Variants in TEX30 observed in about 807,000 individuals in gnomAD.
TEX30 encodes testis-expressed protein 30.
In TEX30, 14 loss-of-function variants were observed where a neutral mutation model predicts 23.8. The observed-to-expected ratio is 0.59, with a 90% CI of 0.39 to 0.92. The LOEUF is 0.92. TEX30 is among the 40% of genes least tolerant of loss of function. The pLI, the probability that TEX30 is intolerant of heterozygous loss-of-function variation, is 0.00. For synonymous variants in TEX30, 78 were observed against 90.2 expected (o/e 0.87, Z 0.76); for missense variants, 246 against 270.6 (o/e 0.91, Z 0.64).
intron 1 of TEX30, among the ~76,000 whole-genome samples, chr13:102,773,238 G>A (rs1010630713): frequency 5.3e-5 from 8 of 152,208 alleles, no homozygotes; most frequent in African/African-American, 9.6e-5. Context: ...AACAACCCCA[G>A]CAAACATGGA....
intron 3 of TEX30, among the ~76,000 whole-genome samples, chr13:102,768,950 T>G (rs1162109472): frequency 1.3e-5 from 2 of 152,244 alleles, no homozygotes; most frequent in Non-Finnish European, 2.9e-5. Flanking sequence ...TAAGCAAGGT[T>G]TCTAAATAAC....
At chr13:102,768,100 T>G (rs1466048988) in intron 4 of TEX30, among the ~76,000 whole-genome samples, 160 bp downstream of exon 4, 3 of 152,146 alleles carry the variant, frequency 2.0e-5, no homozygotes, top group African/African-American at 4.8e-5. Context: ...TCAAGTTTGC[T>G]CTAAGTATAT....
At chr13:102,771,673 G>A (rs915366311) in intron 1 of TEX30, among the ~76,000 whole-genome samples, 2 of 152,194 alleles carry the variant, frequency 1.3e-5, no homozygotes, top group Non-Finnish European at 2.9e-5. Context: ...CATACATGCA[G>A]CCCCACAATT....
chr13:102,770,988 G>A (rs1877277125), intron 1 of TEX30, among the ~76,000 whole-genome samples: 1 of 152,102 alleles, frequency 6.6e-6, no homozygotes, highest in Non-Finnish European at 1.5e-5. Context: ...TCATTCAATA[G>A]GTAACAATAA....
intron 1 of TEX30, among the ~76,000 whole-genome samples, chr13:102,773,132 T>C (rs2139057525): frequency 6.6e-6 from 1 of 152,352 alleles, no homozygotes; most frequent in Middle Eastern, 3.4e-3. Context: ...CAACTTTCAG[T>C]TACAAACGTT....
intron 1 of TEX30, among the ~76,000 whole-genome samples, chr13:102,771,465 C>G (rs1409084438): frequency 6.6e-6 from 1 of 152,162 alleles, no homozygotes; most frequent in Non-Finnish European, 1.5e-5. Flanking sequence ...ACACTCTTCC[C>G]CCAACCACCA....
intron 1 of TEX30, among the ~76,000 whole-genome samples, chr13:102,771,347 AAT>A (rs1388140549): frequency 1.3e-5 from 2 of 152,230 alleles, no homozygotes; most frequent in Non-Finnish European, 2.9e-5. Context: ...TAATTTACAG[AAT>A]ATGTTTTTCA....
intron 2 of TEX30, 32 bp downstream of exon 2, chr13:102,769,980 C>T (rs1027081276): frequency 7.0e-7 from 1 of 1,420,600 alleles, no homozygotes; most frequent in Non-Finnish European, 9.2e-7. Context: ...AAACCAGGAA[C>T]CCTGAAGATG....
chr13:102,773,166 T>C (rs761044927), intron 1 of TEX30, among the ~76,000 whole-genome samples: 1 of 152,218 alleles, frequency 6.6e-6, no homozygotes, highest in Non-Finnish European at 1.5e-5. Context: ...GTCCACAGCA[T>C]TAAGCTGGCT....
chr13:102,771,829 T>C (rs1877342923), intron 1 of TEX30, among the ~76,000 whole-genome samples: 1 of 152,206 alleles, frequency 6.6e-6, no homozygotes, highest in African/African-American at 2.4e-5. Context: ...TTCTCAGATT[T>C]CACCTAAATC....
rs200896097 is a variant in TEX30 at position 102,766,490 on chromosome 13, G to A, written c.595C>T (p.Arg199Trp). The change falls in exon 6 of 6, where the codon CGG becomes TGG. Residue 199 changes from arginine to tryptophan, a missense_variant. Coordinates refer to ENST00000376032, the MANE Select transcript of TEX30 (RefSeq NM_138779.5). Reference sequence around the variant, plus strand: ...TCTTTGAAAACATCATTTGTCGACCGTCCTTTCACTGCCATGGAATGATTT... The same window carrying A: ...TCTTTGAAAACATCATTTGTCGACCATCCTTTCACTGCCATGGAATGATTT... ...KANHSMAVKG[R>W]STNDVFKEIN... 26 of 1,613,784 alleles carry A rather than the reference G, an allele frequency of 1.6e-5. No homozygotes were observed. Among genetic ancestry groups the A allele is most frequent in the Admixed American group, 1.0e-4 (6 of 59,980 alleles).
chr13:102,769,158 C>A (rs1236056521), intron 3 of TEX30, among the ~76,000 whole-genome samples, 153 bp downstream of exon 3: 2 of 152,174 alleles, frequency 1.3e-5, no homozygotes, highest in African/African-American at 4.8e-5. Flanking sequence ...AATCTGACGA[C>A]TAAAAAGCTT....
chr13:102,770,938 A>G (rs924762140), intron 1 of TEX30: 2 of 152,216 alleles, frequency 1.3e-5, no homozygotes, highest in African/African-American at 2.4e-5. Flanking sequence ...CAGGATCTCC[A>G]TTACTCACCC....
Position 102,770,233 on chromosome 13 carries a change from G to A in TEX30, c.-60-147C>T, listed in dbSNP as rs79797515. On this transcript the variant is annotated intron_variant, in intron 1 of 5. Coordinates refer to ENST00000376032, the MANE Select transcript of TEX30 (RefSeq NM_138779.5). ...TCTTTACATGTACATTTTTCTACGG[G>A]CACTCAGAATTGGTTAGAGGGCCAG... The A allele has an allele frequency of 2.6e-3, 962 of 375,452 alleles. 15 individuals are homozygous for A. Among genetic ancestry groups the A allele is most frequent in the African/African-American group, 0.018 (886 of 48,170 alleles). The allele number at this position is 375,452 out of a possible 1,614,324, so 23.3% of individuals were successfully genotyped here. A position where few individuals can be genotyped will look rare whatever the true frequency, so the allele number is the denominator to read the frequency against.
At position 102,768,244 on chromosome 13, in the gene TEX30, C is replaced by G. The variant is rs563637700; in HGVS notation, c.298+16G>C. ...AAAACAGGTAATTAACAAGTATTCA[C>G]AAGTATTGCACTTACCTCCAAGAAA... On this transcript the variant is annotated intron_variant, in intron 4 of 5. Coordinates refer to ENST00000376032, the MANE Select transcript of TEX30 (RefSeq NM_138779.5). 2.6e-5 allele frequency: 41 copies of G among 1,584,442 alleles called. No homozygotes were observed. The highest frequency in any genetic ancestry group is 3.4e-5 in the Non-Finnish European group (39 of 1,162,960).
chr13:102,770,085 C>A lies in TEX30; in HGVS notation c.-59G>T, dbSNP rs1296955951. On this transcript the variant is annotated splice_region_variant and 5_prime_UTR_variant, in exon 2 of 6. Coordinates refer to ENST00000376032, the MANE Select transcript of TEX30 (RefSeq NM_138779.5). ...TACATCTGAGAAGCAAAGGACATCT[C>A]CCTGAAAAGAAGATTCTGTTGTGAA... 9 of 1,231,970 alleles carry A rather than the reference C, an allele frequency of 7.3e-6. No homozygotes were observed. In the South Asian group the frequency reaches 1.2e-4, roughly 16 times the overall value. 76.3% of individuals were successfully genotyped at this position (1,231,970 alleles called of 1,614,324 possible).
chr13:102,769,567 C>T, intron 2 of TEX30, 26 bp from the exon 3 acceptor site: 1 of 1,426,540 alleles, frequency 7.0e-7, no homozygotes, highest in South Asian at 1.3e-5. Flanking sequence ...ATAAAGGGAT[C>T]AAAAATTACT....
intron 3 of TEX30, 56 bp downstream of exon 3, chr13:102,769,255 T>A: frequency 8.2e-7 from 1 of 1,215,404 alleles, no homozygotes; most frequent in Non-Finnish European, 1.1e-6. Context: ...ATCTTACATT[T>A]ATTAAGGATT....
At chr13:102,771,402 G>C (rs1475032868) in intron 1 of TEX30, among the ~76,000 whole-genome samples, 2 of 152,120 alleles carry the variant, frequency 1.3e-5, no homozygotes, top group African/African-American at 4.8e-5. Context: ...TTTTGAATAG[G>C]TATCGTGTGT....
Sources: allele counts gnomAD v4.1 joint callset (sites outside exome capture counted in the v4.1 genomes callset), GRCh38; gene constraint gnomAD v4.1.1; transcripts MANE v1.5; gene names NCBI Gene and HGNC (gene_info 2026-07-23, HGNC 2026-07-21).